CSMD1: variants seen among roughly 807,000 people sequenced by gnomAD.
CSMD1 encodes the protein CUB and sushi domain-containing protein 1.
CSMD1 carries 213 observed loss-of-function variants against 417.5 expected under a neutral mutation model. The observed-to-expected ratio is 0.51, with a 90% confidence interval of 0.46 to 0.57. CSMD1 has a LOEUF of 0.57. CSMD1 is among the 20% of genes least tolerant of loss of function. The pLI, the probability that CSMD1 is intolerant of heterozygous loss-of-function variation, is 0.00. For synonymous variants in CSMD1, 2,862 were observed against 1,736.8 expected (o/e 1.65, Z -16.11); for missense variants, 6,923 against 4,529.7 (o/e 1.53, Z -15.17).
At chr8:4,702,385 T>C (rs1052741843) in intron 1 of CSMD1, among the ~76,000 whole-genome samples, 2 of 152,242 alleles carry the variant, frequency 1.3e-5, no homozygotes, top group Non-Finnish European at 2.9e-5. Context: ...ATTCCAAGAA[T>C]TGACTTTTGA....
intron 31 of CSMD1, among the ~76,000 whole-genome samples, chr8:3,204,249 A>G (rs949247328): frequency 6.6e-6 from 1 of 152,292 alleles, no homozygotes; most frequent in East Asian, 1.9e-4. Flanking sequence ...AAAATTTTTA[A>G]TTGTGTAATG....
chr8:4,133,892 C>G (rs942286810), intron 3 of CSMD1, among the ~76,000 whole-genome samples: 1 of 152,104 alleles, frequency 6.6e-6, no homozygotes, highest in South Asian at 2.1e-4. Context: ...TATAAGAAAT[C>G]TTGTAAACAT....
At position 3,219,382 on chromosome 8, in the gene CSMD1, G is replaced by T; in HGVS notation, c.4545C>A (p.Ser1515Arg). ...AGCCCTGGTAACTCCCAATGAGGGGGCTGTTGGAATCTTCCCCTTCATAGA... is the reference window on the plus strand; with the variant it reads ...AGCCCTGGTAACTCCCAATGAGGGGTCTGTTGGAATCTTCCCCTTCATAGA... ...LHIYEGEDSN[S>R]PLIGSYQGSQ... is the part of the protein sequence containing the mutation. Residue 1515 changes from serine to arginine, a missense_variant, in exon 29 of 70, where the codon AGC becomes AGA. Ser to Arg is a moderately radical substitution (Grantham distance 110, BLOSUM62 -1). Coordinates refer to ENST00000635120, the MANE Select transcript of CSMD1 (RefSeq NM_033225.6). 6.4e-7 allele frequency: 1 copy of T among 1,567,262 alleles called. No individual in the cohort carries two copies.
At chr8:3,886,480 C>G (rs755151870) in intron 5 of CSMD1, among the ~76,000 whole-genome samples, 1 of 152,184 alleles carries the variant, frequency 6.6e-6, no homozygotes, top group Admixed American at 6.5e-5. Flanking sequence ...GTTTTGTCAG[C>G]CATACGGTCT....
intron 10 of CSMD1, among the ~76,000 whole-genome samples, chr8:3,550,755 G>A (rs1333435078): frequency 6.6e-6 from 1 of 152,144 alleles, no homozygotes; most frequent in African/African-American, 2.4e-5. Context: ...TGGCCAACCA[G>A]GCTTGCACCA....
chr8:3,297,348 G>C (rs946820921), intron 25 of CSMD1, among the ~76,000 whole-genome samples: 1 of 152,158 alleles, frequency 6.6e-6, no homozygotes, highest in East Asian at 1.9e-4. Flanking sequence ...TGGAAGTGCA[G>C]AAGGCCAAGA....
At chr8:3,100,115 G>A (rs1376486501) in intron 46 of CSMD1, among the ~76,000 whole-genome samples, 1 of 152,070 alleles carries the variant, frequency 6.6e-6, no homozygotes. Context: ...GCAGTGGCAG[G>A]ATCACGGCTC....
intron 3 of CSMD1, among the ~76,000 whole-genome samples, chr8:4,187,297 A>C (rs1274542201): frequency 6.6e-6 from 1 of 152,192 alleles, no homozygotes; most frequent in Non-Finnish European, 1.5e-5. Context: ...TCTTTCAGTC[A>C]TAGGAAAGGA....
At chr8:3,026,903 G>A (rs1051767915) in intron 51 of CSMD1, among the ~76,000 whole-genome samples, 1 of 152,156 alleles carries the variant, frequency 6.6e-6, no homozygotes, top group African/African-American at 2.4e-5. Context: ...CCTTGGTAAA[G>A]GGGTTTCTAG....
At chr8:3,312,267 C>G (rs980950768) in intron 23 of CSMD1, among the ~76,000 whole-genome samples, 4 of 152,130 alleles carry the variant, frequency 2.6e-5, no homozygotes, top group Non-Finnish European at 1.5e-5. Context: ...AAGAATTAAG[C>G]CAAGTTATTT....
intron 26 of CSMD1, among the ~76,000 whole-genome samples, chr8:3,269,331 C>G (rs940378178): frequency 2.8e-4 from 43 of 152,320 alleles, no homozygotes; most frequent in African/African-American, 9.9e-4. Flanking sequence ...AGCGATGGCT[C>G]CAGCTACGCT....
intron 7 of CSMD1, among the ~76,000 whole-genome samples, chr8:3,665,190 T>G (rs998935599): frequency 2.0e-5 from 3 of 152,162 alleles, no homozygotes; most frequent in Admixed American, 6.5e-5. Flanking sequence ...TATTAGGTAT[T>G]TGCATCTTTT....
In CSMD1 at chr8:3,930,340, C is replaced by A. The variant is rs747880177; in HGVS notation, c.818+67563G>T. Among the ~76,000 whole-genome samples, 2 of 150,574 alleles carry A rather than the reference C, an allele frequency of 1.3e-5. 1 individual carries two copies. The highest frequency in any genetic ancestry group is 3.0e-5 in the Non-Finnish European group (2 of 67,554). On this transcript the variant is annotated intron_variant, in intron 5 of 69. Coordinates refer to ENST00000635120, the MANE Select transcript of CSMD1 (RefSeq NM_033225.6). The stretch of plus-strand genomic sequence containing the variant: ...CTAACACTCTTAAATATCTGCCAGC[C>A]ATAATAAAGAAATCAATGTATTTTA...
At chr8:4,241,867 G>C (rs1005880113) in intron 3 of CSMD1, among the ~76,000 whole-genome samples, 1 of 152,120 alleles carries the variant, frequency 6.6e-6, no homozygotes, top group African/African-American at 2.4e-5. Context: ...TGCAAAAAAA[G>C]AGAGAAAGAT....
intron 5 of CSMD1, among the ~76,000 whole-genome samples, chr8:3,900,887 G>A (rs1272669308): frequency 1.1e-4 from 17 of 152,172 alleles, no homozygotes; most frequent in Admixed American, 5.2e-4. Context: ...GTGCTCAGGC[G>A]TTTGCTTGAT....
chr8:4,630,304 A>T (rs868248895), intron 2 of CSMD1, among the ~76,000 whole-genome samples: 18 of 146,544 alleles, frequency 1.2e-4, no homozygotes, highest in Middle Eastern at 3.5e-3. Context: ...ACACACACAC[A>T]CTCTCACAGT....
At chr8:4,566,558 C>T (rs1419851106) in intron 2 of CSMD1, among the ~76,000 whole-genome samples, 1 of 143,294 alleles carries the variant, frequency 7.0e-6, no homozygotes, top group African/African-American at 2.6e-5. Context: ...GAGGCTGAGG[C>T]AGGAGAGTGG....
At chr8:3,768,180 A>C (rs1169422314) in intron 5 of CSMD1, among the ~76,000 whole-genome samples, 3 of 152,176 alleles carry the variant, frequency 2.0e-5, no homozygotes, top group African/African-American at 7.2e-5. Flanking sequence ...CCAGAAATTA[A>C]GGGAATCTTT....
chr8:4,956,282 G>C (rs1175479418), intron 1 of CSMD1, among the ~76,000 whole-genome samples: 3 of 151,174 alleles, frequency 2.0e-5, no homozygotes, highest in African/African-American at 7.3e-5. Flanking sequence ...ACCTTGCATA[G>C]TCTCATAATT....
Sources: allele counts gnomAD v4.1 joint callset (sites outside exome capture counted in the v4.1 genomes callset), GRCh38; gene constraint gnomAD v4.1.1; transcripts MANE v1.5; gene names NCBI Gene and HGNC (gene_info 2026-07-23, HGNC 2026-07-21).